YAP1: variants seen among roughly 807,000 people sequenced by gnomAD.
YAP1 encodes the protein transcriptional coactivator YAP1.
YAP1 carries 5 observed loss-of-function variants against 56.9 expected under a neutral mutation model. That is an observed-to-expected ratio of 0.09 (90% CI 0.05 to 0.18). The LOEUF is 0.18. Ranked by LOEUF, YAP1 falls within the 10% of genes least tolerant of loss-of-function variation. The probability of loss-of-function intolerance (pLI) is 1.00; values close to 1 mark genes in which losing one functional copy is unlikely to be tolerated. For missense variants in YAP1, 539 were observed against 651.8 expected (o/e 0.83, Z 1.88); for synonymous variants, 265 against 248.1 (o/e 1.07, Z -0.64).
chr11:102,160,114 C>G (rs1009612833), intron 2 of YAP1, among the ~76,000 whole-genome samples: 1 of 151,296 alleles, frequency 6.6e-6, no homozygotes, highest in African/African-American at 2.4e-5. Flanking sequence ...ACCTCTGCCC[C>G]CTGGGTTTAA....
chr11:102,199,255 T>TA (rs1361784757), intron 4 of YAP1, among the ~76,000 whole-genome samples: 8 of 152,322 alleles, frequency 5.3e-5, no homozygotes, highest in Middle Eastern at 6.8e-3. Context: ...TTAAGTGAAT[T>TA]ACCAAATTAG....
At chr11:102,170,164 G>T (rs1946826038) in intron 3 of YAP1, among the ~76,000 whole-genome samples, 1 of 152,120 alleles carries the variant, frequency 6.6e-6, no homozygotes, top group Non-Finnish European at 1.5e-5. Context: ...TACTCTGATG[G>T]TGAGAGCCTT....
chr11:102,137,318 G>GCC (rs1944730823), intron 2 of YAP1, among the ~76,000 whole-genome samples: 1 of 152,188 alleles, frequency 6.6e-6, no homozygotes, highest in Non-Finnish European at 1.5e-5. Context: ...AACCCTGAGT[G>GCC]TAGAAACTAG....
In YAP1 at chr11:102,111,041, C is replaced by T; in HGVS notation, c.193C>T (p.Leu65=). ...VHVRGDSETD[L]EALFNAVMNP... ...CGTCCGCGGGGACTCGGAGACCGACCTGGAGGCGCTCTTCAACGCCGTCAT... is the reference window on the plus strand; with the variant it reads ...CGTCCGCGGGGACTCGGAGACCGACTTGGAGGCGCTCTTCAACGCCGTCAT... Residue 65 remains leucine (L), a synonymous_variant, in exon 1 of 9, where the codon CTG becomes TTG. Transcript: ENST00000282441. 1 of 1,612,578 alleles carries T rather than the reference C, an allele frequency of 6.2e-7. No individual in the cohort carries two copies. The highest frequency in any genetic ancestry group is 1.1e-5 in the South Asian group (1 of 91,010).
At position 102,223,811 on chromosome 11, in the gene YAP1, T is replaced by C. The variant is rs1441939318; in HGVS notation, c.1163+59T>C. On this transcript the variant is annotated intron_variant, in intron 7 of 8. Transcript: ENST00000282441. ...AAGGATCATTGCTTTAAAATCATTCTGCTTAGTGCTTGTAATAGGCTATTT... is the reference window on the plus strand; with the variant it reads ...AAGGATCATTGCTTTAAAATCATTCCGCTTAGTGCTTGTAATAGGCTATTT... The C allele has an allele frequency of 1.9e-6, 3 of 1,599,730 alleles. No homozygotes were observed. The East Asian group carries it at 6.7e-5, about 36-fold the overall frequency.
At position 102,176,475 on chromosome 11, in the gene YAP1, C is replaced by T. The variant is rs148483203; in HGVS notation, c.689-9543C>T. ...GAATAGAGTAGAATTGGGTCAGGCA[C>T]GGTGGCTCACGCCTGTAATCCCAGC... On this transcript the variant is annotated intron_variant, in intron 3 of 8. Coordinates refer to ENST00000282441, the MANE Select transcript of YAP1 (RefSeq NM_001130145.3). 1.8e-3 allele frequency among the ~76,000 whole-genome samples: 272 copies of T among 152,036 alleles called. 1 individual carries two copies. Among genetic ancestry groups the T allele is most frequent in the African/African-American group, 6.3e-3 (262 of 41,502 alleles).
intron 3 of YAP1, among the ~76,000 whole-genome samples, chr11:102,163,268 A>G (rs1160913036): frequency 6.6e-6 from 1 of 152,204 alleles, no homozygotes; most frequent in African/African-American, 2.4e-5. Flanking sequence ...AGAAGGGAAG[A>G]TATGAAAGGA....
intron 2 of YAP1, among the ~76,000 whole-genome samples, chr11:102,129,618 CAAAAAAAAA>C (rs139054273): frequency 2.0e-5 from 2 of 100,182 alleles, no homozygotes; most frequent in East Asian, 2.8e-4. Flanking sequence ...ACTCTGTCTC[CAAAAAAAAA>C]AAAAAAAAAA....
At chr11:102,185,344 A>G (rs1947889582) in intron 3 of YAP1, among the ~76,000 whole-genome samples, 1 of 152,206 alleles carries the variant, frequency 6.6e-6, no homozygotes, top group Admixed American at 6.5e-5. Context: ...GATGTTCCTT[A>G]AAGTTTGCCT....
intron 2 of YAP1, among the ~76,000 whole-genome samples, chr11:102,149,605 A>C (rs1945511353): frequency 6.6e-6 from 1 of 152,228 alleles, no homozygotes; most frequent in Non-Finnish European, 1.5e-5. Flanking sequence ...TGATTGGCCA[A>C]ACTTGTTATT....
intron 2 of YAP1, among the ~76,000 whole-genome samples, chr11:102,136,594 C>T (rs1404529659): frequency 6.6e-6 from 1 of 152,166 alleles, no homozygotes; most frequent in Non-Finnish European, 1.5e-5. Context: ...CTAAAGTGAT[C>T]CACCTGCCTC....
At chr11:102,115,663 C>T (rs1943238404) in intron 2 of YAP1, among the ~76,000 whole-genome samples, 1 of 151,710 alleles carries the variant, frequency 6.6e-6, no homozygotes, top group Non-Finnish European at 1.5e-5. Context: ...CAGGTTTCAA[C>T]CAGAACAGTA....
At chr11:102,133,816 C>T (rs933042430) in intron 2 of YAP1, among the ~76,000 whole-genome samples, 2 of 152,116 alleles carry the variant, frequency 1.3e-5, no homozygotes, top group African/African-American at 4.8e-5. Flanking sequence ...ATACTGTAGA[C>T]GGAGTGGCCC....
intron 4 of YAP1, 88 bp downstream of exon 4, chr11:102,186,219 T>G: frequency 7.0e-7 from 1 of 1,419,942 alleles, no homozygotes; most frequent in Non-Finnish European, 9.6e-7. Flanking sequence ...TTAAATAAAA[T>G]CGCATTGCTT....
At chr11:102,174,388 A>G (rs1051049488) in intron 3 of YAP1, among the ~76,000 whole-genome samples, 2 of 152,066 alleles carry the variant, frequency 1.3e-5, no homozygotes, top group South Asian at 4.2e-4. Context: ...CATGAGGTCA[A>G]CAGATCGAGA....
Position 102,231,000 on chromosome 11 carries a change from T to A in YAP1, c.*1060T>A, listed in dbSNP as rs1950420150. Reference sequence around the variant, plus strand: ...GCATTTAGAATACATGACTAGTAGTTTATATTTCACTGGTAGTTTAAATCT... The same window carrying A: ...GCATTTAGAATACATGACTAGTAGTATATATTTCACTGGTAGTTTAAATCT... On this transcript the variant is annotated 3_prime_UTR_variant, in exon 9 of 9. Transcript: ENST00000282441. 1 of 152,234 alleles carries A rather than the reference T, an allele frequency of 6.6e-6. No homozygotes were observed. Among genetic ancestry groups the A allele is most frequent in the African/African-American group, 2.4e-5 (1 of 41,462 alleles). 9.4% of individuals were successfully genotyped at this position (152,234 alleles called of 1,614,324 possible).
intron 6 of YAP1, 126 bp downstream of exon 6, chr11:102,209,690 ATCTT>A (rs1949299036): frequency 1.2e-6 from 1 of 857,842 alleles, no homozygotes; most frequent in East Asian, 3.0e-5. Flanking sequence ...ACTTTGAGCC[ATCTT>A]TCTACCAAGA....
rs1323749303 is a variant in YAP1, at chr11:102,231,097, A to G, written c.*1157A>G. 6.6e-6 allele frequency: 1 copy of G among 152,236 alleles called. No individual in the cohort carries two copies. The highest frequency in any genetic ancestry group is 2.4e-5 in the African/African-American group (1 of 41,470). The allele number at this position is 152,236 out of a possible 1,614,324, so 9.4% of individuals were successfully genotyped here. ...AGAGCTATTACTGTGGATAGTGCCT[A>G]GGGGAGTGCTCCACGCCCTCTGGGC... On this transcript the variant is annotated 3_prime_UTR_variant, in exon 9 of 9. Coordinates refer to ENST00000282441, the MANE Select transcript of YAP1 (RefSeq NM_001130145.3).
In YAP1 at chr11:102,230,531, GATTTT is replaced by G. The variant is rs1030434164; in HGVS notation, c.*598_*602del. 3 of 152,704 alleles carry G rather than the reference GATTTT, an allele frequency of 2.0e-5. No homozygotes were observed. The highest frequency in any genetic ancestry group is 6.5e-5 in the Admixed American group (1 of 15,298). The allele number at this position is 152,704 out of a possible 1,614,324, so 9.5% of individuals were successfully genotyped here. Reference sequence around the variant, plus strand: ...CTATCATTAGTCACATAATGACCTTGATTTTATTTTAGGAGCTTATAAGGCATGAG... The same window carrying G: ...CTATCATTAGTCACATAATGACCTTGATTTTAGGAGCTTATAAGGCATGAG... On this transcript the variant is annotated 3_prime_UTR_variant, in exon 9 of 9. Coordinates refer to ENST00000282441, the MANE Select transcript of YAP1 (RefSeq NM_001130145.3).
Sources: gnomAD v4.1 joint callset for allele counts (sites outside exome capture counted in the v4.1 genomes callset) on GRCh38, gnomAD v4.1.1 for gene constraint, MANE v1.5 for transcripts, NCBI Gene and HGNC (gene_info 2026-07-23, HGNC 2026-07-21) for gene names.